TMEM132C: variants seen among roughly 807,000 people sequenced by gnomAD.
TMEM132C encodes transmembrane protein 132C.
A neutral mutation model predicts 61.4 loss-of-function variants in TMEM132C; 29 were observed. The ratio of observed to expected loss-of-function variants is 0.47; its 90% CI spans 0.35 to 0.64. The LOEUF is 0.64. Ranked by LOEUF, TMEM132C falls within the 30% of genes least tolerant of loss-of-function variation. TMEM132C has a pLI of 0.00. For synonymous variants in TMEM132C, 656 were observed against 633.1 expected, an observed-to-expected ratio of 1.04 and a Z score of -0.54; for missense variants, 1,408 against 1,476.9, an observed-to-expected ratio of 0.95 and a Z score of 0.76.
At chr12:128,304,658 C>T (rs929987490) in intron 1 of TMEM132C, among the ~76,000 whole-genome samples, 1 of 151,888 alleles carries the variant, frequency 6.6e-6, no homozygotes, top group Admixed American at 6.6e-5. Context: ...AAGAGCCTTT[C>T]AGAATCACTG....
chr12:128,669,705 G>T, intron 5 of TMEM132C, 145 bp downstream of exon 5: 1 of 1,053,700 alleles, frequency 9.5e-7, no homozygotes, highest in Middle Eastern at 3.2e-4. Flanking sequence ...TCCACTCAAC[G>T]TGTCCATTGC....
rs78113935 is a variant in TMEM132C at position 128,598,572 on chromosome 12, C to G, written c.1122-17580C>G. On this transcript the variant is annotated intron_variant, in intron 3 of 8. Coordinates refer to ENST00000435159, the MANE Select transcript of TMEM132C (RefSeq NM_001136103.3). ...TGTGTCTGGGCCTCTGCACATTGCA[C>G]CCCCAGACCAGTGATCTTCTTTCAG... Among the ~76,000 whole-genome samples the G allele has an allele frequency of 1.5e-4, 23 of 152,058 alleles. 1 individual carries two copies. Among genetic ancestry groups the G allele is most frequent in the African/African-American group, 5.3e-4 (22 of 41,388 alleles).
At chr12:128,604,464 A>G (rs1876335696) in intron 3 of TMEM132C, among the ~76,000 whole-genome samples, 1 of 151,792 alleles carries the variant, frequency 6.6e-6, no homozygotes, top group Non-Finnish European at 1.5e-5. Flanking sequence ...AGATGGATAG[A>G]TAGATGATAC....
intron 3 of TMEM132C, among the ~76,000 whole-genome samples, chr12:128,590,313 C>T (rs1057112063): frequency 2.0e-5 from 3 of 152,174 alleles, no homozygotes; most frequent in African/African-American, 4.8e-5. Flanking sequence ...GACGGCAGAG[C>T]TTAACAGAGA....
intron 1 of TMEM132C, among the ~76,000 whole-genome samples, chr12:128,378,249 G>A (rs539443701): frequency 2.6e-5 from 4 of 152,112 alleles, no homozygotes; most frequent in Non-Finnish European, 5.9e-5. Context: ...CGAGTAGCTG[G>A]GACTACAGGA....
chr12:128,427,682 A>G (rs1246169609), intron 2 of TMEM132C, among the ~76,000 whole-genome samples: 6 of 152,030 alleles, frequency 3.9e-5, no homozygotes, highest in African/African-American at 1.4e-4. Context: ...TTCTTCCTCC[A>G]TCACCTTCCC....
intron 2 of TMEM132C, among the ~76,000 whole-genome samples, chr12:128,471,654 G>A (rs1417628506): frequency 6.6e-6 from 1 of 152,154 alleles, no homozygotes; most frequent in Non-Finnish European, 1.5e-5. Context: ...CTGCTTGGGT[G>A]TAATACAGAC....
chr12:128,560,678 T>G (rs1490712186), intron 3 of TMEM132C, among the ~76,000 whole-genome samples: 1 of 152,208 alleles, frequency 6.6e-6, no homozygotes, highest in Non-Finnish European at 1.5e-5. Flanking sequence ...GGCAGGGAAG[T>G]GCCTATCGCC....
chr12:128,550,408 T>C (rs1208918800), intron 3 of TMEM132C, among the ~76,000 whole-genome samples: 1 of 151,800 alleles, frequency 6.6e-6, no homozygotes, highest in Non-Finnish European at 1.5e-5. Context: ...GCTCAAGCGA[T>C]CCTCCTCTCA....
In TMEM132C at chr12:128,501,865, T is replaced by C. The variant is rs79635798; in HGVS notation, c.975-42092T>C. 1.7e-3 allele frequency among the ~76,000 whole-genome samples: 265 copies of C among 152,304 alleles called. 1 individual carries two copies. The highest frequency in any genetic ancestry group is 5.9e-3 in the African/African-American group (247 of 41,562). On this transcript the variant is annotated intron_variant, in intron 2 of 8. Transcript: ENST00000435159. ...AACCTTAGACCATGATTCTCAACCA[T>C]TGCCTCCCAAGCCTTTGTGTCTGTA...
intron 1 of TMEM132C, among the ~76,000 whole-genome samples, chr12:128,282,540 C>G (rs544938929): frequency 1.3e-5 from 2 of 152,158 alleles, no homozygotes; most frequent in South Asian, 2.1e-4. Context: ...AAAGCCACTA[C>G]CCCCCTCCTC....
At chr12:128,457,810 C>T (rs79213045) in intron 2 of TMEM132C, among the ~76,000 whole-genome samples, 4 of 152,084 alleles carry the variant, frequency 2.6e-5, no homozygotes, top group African/African-American at 9.6e-5. Context: ...CATTTTCTGC[C>T]TACCTCTAAT....
chr12:128,639,439 G>T (rs948459739), intron 4 of TMEM132C, among the ~76,000 whole-genome samples: 2 of 149,352 alleles, frequency 1.3e-5, no homozygotes, highest in African/African-American at 5.1e-5. Flanking sequence ...AAGAATGATG[G>T]TGATGATAAT....
At chr12:128,367,589 C>T (rs1449192313) in intron 1 of TMEM132C, among the ~76,000 whole-genome samples, 1 of 152,140 alleles carries the variant, frequency 6.6e-6, no homozygotes, top group African/African-American at 2.4e-5. Flanking sequence ...GACCAGGAGT[C>T]CACTGGAGTG....
At chr12:128,342,353 G>T (rs914417672) in intron 1 of TMEM132C, among the ~76,000 whole-genome samples, 1 of 152,174 alleles carries the variant, frequency 6.6e-6, no homozygotes, top group African/African-American at 2.4e-5. Flanking sequence ...AACAGGAAGA[G>T]AAGAAAGTGT....
intron 8 of TMEM132C, among the ~76,000 whole-genome samples, chr12:128,698,003 A>C (rs552158804): frequency 6.6e-6 from 1 of 152,214 alleles, no homozygotes; most frequent in Non-Finnish European, 1.5e-5. Flanking sequence ...CTTTGCTCAC[A>C]GCGAATGGGT....
chr12:128,360,848 T>A (rs778675978), intron 1 of TMEM132C, among the ~76,000 whole-genome samples: 63 of 152,226 alleles, frequency 4.1e-4, no homozygotes, highest in Non-Finnish European at 1.8e-4. Flanking sequence ...CTAGCCTAGC[T>A]GGAGTGTACC....
At chr12:128,320,284 A>G (rs1350340953) in intron 1 of TMEM132C, among the ~76,000 whole-genome samples, 1 of 152,108 alleles carries the variant, frequency 6.6e-6, no homozygotes, top group Non-Finnish European at 1.5e-5. Context: ...TTGAATGTCT[A>G]CAAATCTCCA....
Position 128,570,940 on chromosome 12 carries a change from G to A in TMEM132C, c.1121+26837G>A, listed in dbSNP as rs1051555489. The stretch of plus-strand genomic sequence containing the variant: ...GAAGTTACTATTTTCACTTTGGCAC[G>A]TTACCACCCTGAAAAGATCAGGGCT... On this transcript the variant is annotated intron_variant, in intron 3 of 8. Coordinates refer to ENST00000435159, the MANE Select transcript of TMEM132C (RefSeq NM_001136103.3). The surrounding 1 kb of genome is among the most constrained non-coding windows in gnomAD (Gnocchi z 4.7). Among the ~76,000 whole-genome samples, 1 of 152,152 alleles carries A rather than the reference G, an allele frequency of 6.6e-6. No homozygotes were observed. Among genetic ancestry groups the A allele is most frequent in the African/African-American group, 2.4e-5 (1 of 41,434 alleles).
Sources: allele counts gnomAD v4.1 joint callset (sites outside exome capture counted in the v4.1 genomes callset), GRCh38; gene constraint gnomAD v4.1.1; non-coding constraint Gnocchi (gnomAD v3.1); transcripts MANE v1.5; gene names NCBI Gene and HGNC (gene_info 2026-07-23, HGNC 2026-07-21).